The following ZDHHC21 variants were observed in gnomAD, a reference collection of about 807,000 sequenced individuals.
ZDHHC21 encodes the protein palmitoyltransferase ZDHHC21.
A neutral mutation model predicts 34.6 loss-of-function variants in ZDHHC21; 15 were observed. The ratio of observed to expected loss-of-function variants is 0.43; its 90% CI spans 0.29 to 0.67. The LOEUF is 0.67. Ranked by LOEUF, ZDHHC21 falls within the 30% of genes least tolerant of loss-of-function variation. The pLI is 0.14. For synonymous variants in ZDHHC21, 142 were observed against 101.8 expected (o/e 1.40, Z -2.38); for missense variants, 344 against 327.7 (o/e 1.05, Z -0.38).
At chr9:14,687,212 G>A (rs1026368683) in intron 2 of ZDHHC21, among the ~76,000 whole-genome samples, 1 of 150,690 alleles carries the variant, frequency 6.6e-6, no homozygotes, top group Non-Finnish European at 1.5e-5. Flanking sequence ...TCACCCATGA[G>A]TCAAATCCCA....
intron 8 of ZDHHC21, among the ~76,000 whole-genome samples, chr9:14,628,292 T>A (rs1227818196): frequency 6.6e-6 from 1 of 152,160 alleles, no homozygotes; most frequent in Admixed American, 6.5e-5. Context: ...TAAAATGACA[T>A]CAGATTATCA....
At chr9:14,652,420 C>A (rs2133845802) in intron 7 of ZDHHC21, among the ~76,000 whole-genome samples, 2 of 151,930 alleles carry the variant, frequency 1.3e-5, no homozygotes, top group South Asian at 2.1e-4. Flanking sequence ...ACTTCCTCAA[C>A]AAAAGATAAA....
intron 1 of ZDHHC21, among the ~76,000 whole-genome samples, chr9:14,692,998 A>G (rs1839387989): frequency 6.6e-6 from 1 of 151,808 alleles, no homozygotes; most frequent in South Asian, 2.1e-4. Context: ...CTGTAGCTCT[A>G]GCAGAAGACG....
chr9:14,677,856 C>T lies in ZDHHC21; in HGVS notation c.-46+2177G>A, dbSNP rs1157942672. 5.3e-5 allele frequency among the ~76,000 whole-genome samples: 8 copies of T among 152,184 alleles called. No individual in the cohort carries two copies. In the South Asian group the frequency reaches 6.2e-4, roughly 12 times the overall value. ...ACTGTATTTCACCATATATTCTCCT[C>T]AAGAAGAATATTCAAGTCACCATGA... On this transcript the variant is annotated intron_variant, in intron 3 of 9. Transcript: ENST00000380916.
downstream of ZDHHC21, among the ~76,000 whole-genome samples, chr9:14,609,941 A>AT (rs1431242542): frequency 6.6e-6 from 1 of 152,094 alleles, no homozygotes; most frequent in African/African-American, 2.4e-5. Context: ...TAACAATTCA[A>AT]TTGGTCTAAT....
chr9:14,685,573 T>C (rs1838175359), intron 2 of ZDHHC21, among the ~76,000 whole-genome samples: 1 of 152,164 alleles, frequency 6.6e-6, no homozygotes, highest in Admixed American at 6.5e-5. Flanking sequence ...GGAGAGGATA[T>C]GAAGAAACAG....
intron 7 of ZDHHC21, among the ~76,000 whole-genome samples, chr9:14,648,427 C>T (rs1484033608): frequency 6.6e-6 from 1 of 152,048 alleles, no homozygotes; most frequent in Non-Finnish European, 1.5e-5. Context: ...CCAATCACAG[C>T]CCTTACTACT....
chr9:14,612,757 C>T lies in ZDHHC21; in HGVS notation c.*6209G>A, dbSNP rs372547204. 6.6e-6 allele frequency: 1 copy of T among 151,230 alleles called. No homozygotes were observed. The highest frequency in any genetic ancestry group is 1.5e-5 in the Non-Finnish European group (1 of 67,748). 9.4% of individuals were successfully genotyped at this position (151,230 alleles called of 1,614,324 possible). A position where few individuals can be genotyped will look rare whatever the true frequency, so the allele number is the denominator to read the frequency against. The stretch of plus-strand genomic sequence containing the variant: ...CTATATATCTACACACACATATGTA[C>T]ACATACATATATTTTAAAGGTGTTC... On this transcript the variant is annotated 3_prime_UTR_variant, in exon 10 of 10. Transcript: ENST00000380916.
chr9:14,597,306 C>T, the ZDHHC21 span, among the ~76,000 whole-genome samples: 2 of 152,158 alleles, frequency 1.3e-5, no homozygotes, highest in East Asian at 1.9e-4. Context: ...ACCAAGAGGG[C>T]TGCAGCAGAA....
At chr9:14,626,544 C>G (rs1386700380) in intron 8 of ZDHHC21, among the ~76,000 whole-genome samples, 1 of 151,772 alleles carries the variant, frequency 6.6e-6, no homozygotes. Flanking sequence ...TTACACTGAG[C>G]AAACAGAAAT....
the ZDHHC21 span, among the ~76,000 whole-genome samples, chr9:14,602,654 T>G: frequency 6.6e-6 from 1 of 151,808 alleles, no homozygotes; most frequent in African/African-American, 2.4e-5. Flanking sequence ...CAGTAGAAAA[T>G]TTATAGGTCA....
At chr9:14,602,006 G>C in the ZDHHC21 span, among the ~76,000 whole-genome samples, 1 of 151,986 alleles carries the variant, frequency 6.6e-6, no homozygotes, top group Non-Finnish European at 1.5e-5. Context: ...GGAGGTGGGG[G>C]AGCTAGGGGA....
chr9:14,613,206 G>T lies in ZDHHC21; in HGVS notation c.*5760C>A, dbSNP rs185115701. ...TGCCAGAGCAGCATGCAAAAAATAA[G>T]ATCTGTTAATCAAACTGTTCTTAGT... On this transcript the variant is annotated 3_prime_UTR_variant, in exon 10 of 10. Transcript: ENST00000380916. 45 of 151,834 alleles carry T rather than the reference G, an allele frequency of 3.0e-4. No homozygotes were observed. The highest frequency in any genetic ancestry group is 3.0e-3 in the Admixed American group (45 of 15,212). 9.4% of individuals were successfully genotyped at this position (151,834 alleles called of 1,614,324 possible).
chr9:14,648,289 C>T (rs1300125271), intron 7 of ZDHHC21, among the ~76,000 whole-genome samples: 1 of 150,598 alleles, frequency 6.6e-6, no homozygotes, highest in Non-Finnish European at 1.5e-5. Context: ...TGCTATTATC[C>T]TTGTCCTTTA....
chr9:14,655,723 A>T (rs961929552), intron 7 of ZDHHC21, among the ~76,000 whole-genome samples: 1 of 151,862 alleles, frequency 6.6e-6, no homozygotes, highest in Non-Finnish European at 1.5e-5. Flanking sequence ...AATTTTTTTT[A>T]AATTAGAAAT....
At chr9:14,643,924 T>A (rs1457772722) in intron 7 of ZDHHC21, among the ~76,000 whole-genome samples, 5 of 152,232 alleles carry the variant, frequency 3.3e-5, no homozygotes, top group Non-Finnish European at 7.3e-5. Flanking sequence ...TCTCAATACC[T>A]GGTAGGCCAT....
At chr9:14,685,335 A>G (rs1194501192) in intron 2 of ZDHHC21, among the ~76,000 whole-genome samples, 5 of 151,780 alleles carry the variant, frequency 3.3e-5, no homozygotes, top group Non-Finnish European at 7.4e-5. Context: ...AGAATCTACA[A>G]AGAACTCAAA....
intron 2 of ZDHHC21, among the ~76,000 whole-genome samples, chr9:14,687,229 T>G (rs1838460832): frequency 6.6e-6 from 1 of 150,788 alleles, no homozygotes; most frequent in African/African-American, 2.5e-5. Context: ...CCCAGTCACT[T>G]GCTGGCTTAA....
intron 7 of ZDHHC21, 123 bp downstream of exon 7, chr9:14,658,626 C>G (rs1832772254): frequency 2.8e-6 from 2 of 717,938 alleles, no homozygotes; most frequent in African/African-American, 1.8e-5. Flanking sequence ...CGCCCGCCAC[C>G]TCGCCCGGCT....
Sources: allele counts gnomAD v4.1 joint callset (sites outside exome capture counted in the v4.1 genomes callset), GRCh38; gene constraint gnomAD v4.1.1; transcripts MANE v1.5; gene names NCBI Gene and HGNC (gene_info 2026-07-23, HGNC 2026-07-21).